Variants in ADGB observed in about 807,000 individuals in gnomAD.
ADGB encodes calpain-7-like protein.
ADGB carries 172 observed loss-of-function variants against 210.5 expected under a neutral mutation model. The ratio of observed to expected loss-of-function variants is 0.82; its 90% CI spans 0.72 to 0.93. The LOEUF (loss-of-function observed/expected upper bound fraction) is 0.93, where lower values mean the gene tolerates loss of function less well. ADGB is among the 40% of genes least tolerant of loss of function. ADGB has a pLI of 0.00. For synonymous variants in ADGB, 658 were observed against 662.7 expected (o/e 0.99, Z 0.11); for missense variants, 2,025 against 1,964.8 (o/e 1.03, Z -0.58).
chr6:146,801,363 A>T, intron 34 of ADGB, 84 bp downstream of exon 34: 1 of 913,976 alleles, frequency 1.1e-6, no homozygotes, highest in Non-Finnish European at 1.5e-6. Flanking sequence ...TTTTCTGTAA[A>T]GATTTAATTT....
At chr6:146,807,594 G>A (rs1778232138) in intron 35 of ADGB, 1 of 1,535,814 alleles carries the variant, frequency 6.5e-7, no homozygotes, top group African/African-American at 1.4e-5. Flanking sequence ...GTAACCAGGG[G>A]ATGTCCAATA....
chr6:146,733,210 T>C lies in ADGB; in HGVS notation c.2611T>C (p.Leu871=). The C allele has an allele frequency of 6.5e-7, 1 of 1,542,990 alleles. No individual in the cohort carries two copies. Among genetic ancestry groups the C allele is most frequent in the Non-Finnish European group, 8.8e-7 (1 of 1,142,100 alleles). ...NFKFAFRAMV[L]DLELLNSSLE... ...CAAATTTGCATTCCGGGCTATGGTT[T>C]TGGACTTGGAGTTACTCAATTCCTC... The change falls in exon 21 of 36, where the codon TTG becomes CTG. Residue 871 remains leucine, a synonymous_variant. Coordinates refer to ENST00000397944, the MANE Select transcript of ADGB (RefSeq NM_024694.4).
At chr6:146,723,308 T>C (rs557143339) in intron 17 of ADGB, among the ~76,000 whole-genome samples, 21 of 152,212 alleles carry the variant, frequency 1.4e-4, no homozygotes, top group Non-Finnish European at 2.6e-4. Context: ...GGAAATTATT[T>C]TGCCCTCAGT....
intron 7 of ADGB, 144 bp downstream of exon 7, chr6:146,667,046 A>G (rs971156509): frequency 3.5e-6 from 2 of 571,076 alleles, no homozygotes; most frequent in Non-Finnish European, 6.1e-6. Context: ...AGTATTATAT[A>G]AAGTTCCTTG....
At chr6:146,721,669 C>G (rs1776816876) in intron 17 of ADGB, among the ~76,000 whole-genome samples, 164 bp downstream of exon 17, 1 of 140,434 alleles carries the variant, frequency 7.1e-6, no homozygotes, top group Non-Finnish European at 1.6e-5. Flanking sequence ...GAAACCTTGT[C>G]TCTACTAAAA....
At chr6:146,788,108 A>G (rs985663408) in intron 32 of ADGB, among the ~76,000 whole-genome samples, 2 of 152,158 alleles carry the variant, frequency 1.3e-5, no homozygotes, top group African/African-American at 4.8e-5. Context: ...AGCATCCCCA[A>G]TAATTCAAAT....
At chr6:146,740,814 T>C (rs1777154453) in intron 24 of ADGB, among the ~76,000 whole-genome samples, 1 of 152,146 alleles carries the variant, frequency 6.6e-6, no homozygotes, top group Non-Finnish European at 1.5e-5. Context: ...GAAGCTTTTA[T>C]GTTCATGATA....
At chr6:146,721,709 G>A (rs112350764) in intron 17 of ADGB, among the ~76,000 whole-genome samples, 5,726 of 152,068 alleles carry the variant, frequency 0.038, 233 homozygotes, top group African/African-American at 0.1. Context: ...GTGATGGCAC[G>A]TACCTGTATT....
At chr6:146,615,320 T>G (rs968978891) in intron 1 of ADGB, among the ~76,000 whole-genome samples, 1 of 151,752 alleles carries the variant, frequency 6.6e-6, no homozygotes, top group Non-Finnish European at 1.5e-5. Context: ...GTCAAATCAC[T>G]TCCCACCAGG....
At chr6:146,676,509 A>G in intron 9 of ADGB, 68 bp downstream of exon 9, 1 of 1,180,996 alleles carries the variant, frequency 8.5e-7, no homozygotes, top group Non-Finnish European at 1.1e-6. Context: ...AAACCTTGGA[A>G]CATAGAAATA....
chr6:146,601,770 G>T (rs184627204), intron 1 of ADGB, among the ~76,000 whole-genome samples: 123 of 152,174 alleles, frequency 8.1e-4, no homozygotes, highest in Admixed American at 1.4e-3. Context: ...TCTCTCTTTT[G>T]CCCTAAAATT....
At chr6:146,685,239 A>G (rs1440856695) in intron 9 of ADGB, among the ~76,000 whole-genome samples, 1 of 152,064 alleles carries the variant, frequency 6.6e-6, no homozygotes, top group African/African-American at 2.4e-5. Flanking sequence ...AAACATTTCA[A>G]ACTAAATTAT....
chr6:146,735,699 A>G (rs1239843710), intron 22 of ADGB, among the ~76,000 whole-genome samples: 1 of 152,210 alleles, frequency 6.6e-6, no homozygotes. Flanking sequence ...CCCTTTTTAG[A>G]GACTGAAAAT....
intron 32 of ADGB, among the ~76,000 whole-genome samples, chr6:146,786,731 A>C (rs1777880541): frequency 6.6e-6 from 1 of 152,196 alleles, no homozygotes; most frequent in Admixed American, 6.5e-5. Context: ...TCACTCCTCT[A>C]ATAGAGTCTA....
At chr6:146,744,159 C>G (rs569338625) in intron 25 of ADGB, among the ~76,000 whole-genome samples, 2 of 152,162 alleles carry the variant, frequency 1.3e-5, no homozygotes, top group South Asian at 2.1e-4. Context: ...TGTTTTGTAC[C>G]CTGTGATTGC....
At chr6:146,623,386 T>TG (rs1179501261) in intron 1 of ADGB, among the ~76,000 whole-genome samples, 1 of 151,946 alleles carries the variant, frequency 6.6e-6, no homozygotes, top group African/African-American at 2.4e-5. Context: ...TCACCAGAGT[T>TG]GTATAGTTTC....
chr6:146,781,103 G>A (rs1005394119), intron 29 of ADGB, among the ~76,000 whole-genome samples: 34 of 148,026 alleles, frequency 2.3e-4, no homozygotes, highest in Non-Finnish European at 3.1e-4. Flanking sequence ...CGAGGCAGGC[G>A]GATCACGAGC....
chr6:146,599,134 C>T lies in ADGB; in HGVS notation c.74+20C>T. The stretch of plus-strand genomic sequence containing the variant: ...GAAAGAGTAAGGGACCTCTGCCTGT[C>T]CGTCCCTCCCCTGGCCTAGCCCCTC... On this transcript the variant is annotated intron_variant, in intron 1 of 35. Coordinates refer to ENST00000397944, the MANE Select transcript of ADGB (RefSeq NM_024694.4). 6.5e-7 allele frequency: 1 copy of T among 1,547,800 alleles called. No homozygotes were observed. Among genetic ancestry groups the T allele is most frequent in the Non-Finnish European group, 8.7e-7 (1 of 1,143,414 alleles).
rs184369764 is a variant in ADGB at position 146,649,268 on chromosome 6, A to G, written c.330+4403A>G. Among the ~76,000 whole-genome samples the G allele has an allele frequency of 6.3e-4, 95 of 151,696 alleles. 1 individual carries two copies. The highest frequency in any genetic ancestry group is 3.8e-3 in the Admixed American group (58 of 15,218). ...GGGCATTTTGCTGATAACTCAGAAG[A>G]TTTATCCATTTTTATTGAAACAACA... On this transcript the variant is annotated intron_variant, in intron 3 of 35. Transcript: ENST00000397944.
Sources: allele counts gnomAD v4.1 joint callset (sites outside exome capture counted in the v4.1 genomes callset), GRCh38; gene constraint gnomAD v4.1.1; transcripts MANE v1.5; gene names NCBI Gene and HGNC (gene_info 2026-07-23, HGNC 2026-07-21).